The following GALNTL6 variants were observed in gnomAD, a reference collection of about 807,000 sequenced individuals.
The protein encoded by GALNTL6 is polypeptide N-acetylgalactosaminyltransferase-like 6.
GALNTL6 carries 46 observed loss-of-function variants against 73.7 expected under a neutral mutation model. That is an observed-to-expected ratio of 0.62 (90% CI 0.49 to 0.80). GALNTL6 has a LOEUF of 0.80. Ranked by LOEUF, GALNTL6 falls within the 30% of genes least tolerant of loss-of-function variation. The pLI, the probability that GALNTL6 is intolerant of heterozygous loss-of-function variation, is 0.00. For synonymous variants in GALNTL6, 259 were observed against 263.7 expected, an observed-to-expected ratio of 0.98 and a Z score of 0.17; for missense variants, 604 against 755.0, an observed-to-expected ratio of 0.80 and a Z score of 2.34.
intron 2 of GALNTL6, among the ~76,000 whole-genome samples, chr4:171,932,357 C>G (rs1473687612): frequency 2.0e-5 from 3 of 152,042 alleles, no homozygotes; most frequent in Non-Finnish European, 4.4e-5. Context: ...AGTCAACAAC[C>G]AAAAAGTGAA....
At chr4:172,806,122 T>G (rs187374244) in intron 5 of GALNTL6, among the ~76,000 whole-genome samples, 1 of 152,298 alleles carries the variant, frequency 6.6e-6, no homozygotes. Flanking sequence ...TGATGATACC[T>G]GCCTTCATCA....
intron 5 of GALNTL6, among the ~76,000 whole-genome samples, chr4:172,365,399 T>G (rs1443814696): frequency 6.6e-6 from 1 of 152,162 alleles, no homozygotes; most frequent in African/African-American, 2.4e-5. Context: ...ACATTAGCCA[T>G]TAGGCTGATG....
At chr4:172,060,098 A>C (rs1417933108) in intron 2 of GALNTL6, among the ~76,000 whole-genome samples, 1 of 152,170 alleles carries the variant, frequency 6.6e-6, no homozygotes, top group Admixed American at 6.5e-5. Context: ...TTTTCTTCTA[A>C]GGATATCTAA....
intron 2 of GALNTL6, among the ~76,000 whole-genome samples, chr4:171,832,492 T>C (rs1410798266): frequency 2.0e-5 from 3 of 151,538 alleles, no homozygotes; most frequent in Non-Finnish European, 4.4e-5. Flanking sequence ...GATAGATAGG[T>C]AGAGAGATAG....
At chr4:172,310,190 G>C (rs1404648561) in intron 3 of GALNTL6, among the ~76,000 whole-genome samples, 1 of 152,048 alleles carries the variant, frequency 6.6e-6, no homozygotes, top group Non-Finnish European at 1.5e-5. Flanking sequence ...CCATGATAAT[G>C]TTTAAATATG....
intron 5 of GALNTL6, among the ~76,000 whole-genome samples, chr4:172,726,748 A>G (rs2111376139): frequency 6.6e-6 from 1 of 152,276 alleles, no homozygotes; most frequent in Middle Eastern, 3.4e-3. Context: ...CATATATCAG[A>G]TAGTGTTCTA....
At chr4:173,003,400 G>T (rs1219427228) in intron 10 of GALNTL6, among the ~76,000 whole-genome samples, 24 of 152,154 alleles carry the variant, frequency 1.6e-4, no homozygotes, top group Admixed American at 1.6e-3. Context: ...CTGGGCCAAG[G>T]CTTGTTCATC....
At chr4:172,304,778 G>C (rs1740068081) in intron 3 of GALNTL6, among the ~76,000 whole-genome samples, 1 of 151,958 alleles carries the variant, frequency 6.6e-6, no homozygotes, top group Non-Finnish European at 1.5e-5. Context: ...ATTTTCAAAA[G>C]TCTTGTCTGT....
At chr4:172,521,437 T>G (rs1734769667) in intron 5 of GALNTL6, among the ~76,000 whole-genome samples, 1 of 152,168 alleles carries the variant, frequency 6.6e-6, no homozygotes, top group Admixed American at 6.5e-5. Context: ...AATCCAGAAC[T>G]ATGATCTAAA....
chr4:171,836,194 G>A (rs948603636), intron 2 of GALNTL6, among the ~76,000 whole-genome samples: 1 of 152,010 alleles, frequency 6.6e-6, no homozygotes, highest in African/African-American at 2.4e-5. Context: ...TGGGCTAGAT[G>A]AAACTATCTA....
At chr4:171,906,588 G>A (rs1039775394) in intron 2 of GALNTL6, among the ~76,000 whole-genome samples, 33 of 152,192 alleles carry the variant, frequency 2.2e-4, no homozygotes, top group Non-Finnish European at 2.8e-4. Context: ...GGTGCCATTC[G>A]TTCTGAAACT....
rs1214874685 is a variant in GALNTL6 at position 172,206,775 on chromosome 4, G to GTTTTTTTTTTTT, written c.139-22875_139-22874insTTTTTTTTTTTT. 8.8e-5 allele frequency among the ~76,000 whole-genome samples: 7 copies of GTTTTTTTTTTTT among 79,788 alleles called. 3 individuals carry two copies. Among genetic ancestry groups the GTTTTTTTTTTTT allele is most frequent in the Non-Finnish European group, 1.1e-4 (4 of 35,648 alleles). 52.3% of individuals were successfully genotyped at this position (79,788 alleles called of 152,430 possible). Reference sequence around the variant, plus strand: ...ATGCATATCAGAGCAGATGAAACGTGTTTTTTGTTTTGTTTTGTTTTGTTT... The same window carrying GTTTTTTTTTTTT: ...ATGCATATCAGAGCAGATGAAACGTGTTTTTTTTTTTTTTTTTTGTTTTGTTTTGTTTTGTTT... On this transcript the variant is annotated intron_variant, in intron 2 of 12. Coordinates refer to ENST00000506823, the MANE Select transcript of GALNTL6 (RefSeq NM_001034845.3).
chr4:172,239,350 G>A (rs566342983), intron 3 of GALNTL6, among the ~76,000 whole-genome samples: 6 of 152,130 alleles, frequency 3.9e-5, no homozygotes, highest in Admixed American at 1.3e-4. Flanking sequence ...AAATTTATCC[G>A]TTTCTTCTAG....
At chr4:173,015,428 A>G (rs1752741773) in intron 11 of GALNTL6, among the ~76,000 whole-genome samples, 1 of 152,230 alleles carries the variant, frequency 6.6e-6, no homozygotes, top group Admixed American at 6.5e-5. Flanking sequence ...AGGAAAATGC[A>G]GGAAAGTTTG....
At chr4:172,038,282 T>C (rs1378025020) in intron 2 of GALNTL6, among the ~76,000 whole-genome samples, 3 of 152,134 alleles carry the variant, frequency 2.0e-5, no homozygotes, top group Non-Finnish European at 4.4e-5. Flanking sequence ...TAGACTTAAC[T>C]TTTTAATATA....
intron 2 of GALNTL6, among the ~76,000 whole-genome samples, chr4:172,028,999 ATT>A (rs1166740048): frequency 6.6e-6 from 1 of 152,048 alleles, no homozygotes; most frequent in Non-Finnish European, 1.5e-5. Context: ...ATATTTGAAC[ATT>A]TAGAGTTGCT....
At chr4:172,755,785 T>C (rs537889171) in intron 5 of GALNTL6, among the ~76,000 whole-genome samples, 3 of 152,326 alleles carry the variant, frequency 2.0e-5, no homozygotes, top group African/African-American at 7.2e-5. Context: ...GAAATATCTA[T>C]TCTTACAAGG....
At chr4:172,040,301 T>C (rs926244347) in intron 2 of GALNTL6, among the ~76,000 whole-genome samples, 6 of 152,128 alleles carry the variant, frequency 3.9e-5, no homozygotes, top group Non-Finnish European at 7.4e-5. Context: ...GGAAAGATTT[T>C]TCTCAACTAT....
intron 2 of GALNTL6, among the ~76,000 whole-genome samples, chr4:172,207,203 G>A (rs1002130944): frequency 6.6e-6 from 1 of 152,044 alleles, no homozygotes; most frequent in African/African-American, 2.4e-5. Flanking sequence ...GCCTTAGTAA[G>A]CACCTTGGAT....
Sources: gnomAD v4.1 joint callset for allele counts (sites outside exome capture counted in the v4.1 genomes callset) on GRCh38, gnomAD v4.1.1 for gene constraint, MANE v1.5 for transcripts, NCBI Gene and HGNC (gene_info 2026-07-23, HGNC 2026-07-21) for gene names.